SZT2: variants seen among roughly 807,000 people sequenced by gnomAD.
The protein encoded by SZT2 is SZT2 subunit of KICSTOR complex, also known as KICSTOR complex protein SZT2.
In SZT2, 216 loss-of-function variants were observed where a neutral mutation model predicts 404.2. The ratio of observed to expected loss-of-function variants is 0.53; its 90% CI spans 0.48 to 0.60. The LOEUF is 0.60. Ranked by LOEUF, SZT2 falls within the 20% of genes least tolerant of loss-of-function variation. SZT2 has a pLI of 0.00. For missense variants in SZT2, 3,857 were observed against 4,459.2 expected (o/e 0.86, Z 3.85); for synonymous variants, 1,693 against 1,749.9 (o/e 0.97, Z 0.81).
chr1:43,453,344 G>T lies in SZT2; in HGVS notation c.*2864G>T, dbSNP rs1037542115. 1 of 1,352,536 alleles carries T rather than the reference G, an allele frequency of 7.4e-7. No homozygotes were observed. 83.8% of individuals were successfully genotyped at this position (1,352,536 alleles called of 1,614,324 possible). A position where few individuals can be genotyped will look rare whatever the true frequency, so the allele number is the denominator to read the frequency against. On this transcript the variant is annotated 3_prime_UTR_variant, in exon 72 of 72. Transcript: ENST00000634258. ...CCTCGACTCCCTGAACCTGCATCAG[G>T]GTCATGGGTCACAGGGGTGGGGGTG...
rs769784174 is a variant in SZT2, at chr1:43,435,303, G to A, written c.6008G>A (p.Arg2003His). Residue 2003 changes from arginine to histidine, a missense_variant, in exon 42 of 72, where the codon CGT becomes CAT. Coordinates refer to ENST00000634258, the MANE Select transcript of SZT2 (RefSeq NM_001365999.1). ...CGCAGTGAGACTCCCTTCCACTCCC[G>A]TCAGCGGGCACCACTGCCCAGTGAT... ...LWRSETPFHS[R>H]QRAPLPSDDY... 1.9e-5 allele frequency: 31 copies of A among 1,614,098 alleles called. No individual in the cohort carries two copies. Among genetic ancestry groups the A allele is most frequent in the Admixed American group, 3.3e-5 (2 of 60,010 alleles).
intron 51 of SZT2, 110 bp from the exon 52 acceptor site, chr1:43,440,343 T>A: frequency 6.9e-7 from 1 of 1,450,478 alleles, no homozygotes; most frequent in Non-Finnish European, 9.2e-7. Context: ...TGTCATTCAC[T>A]GACAGGTAGA....
In SZT2 at chr1:43,453,759, C is replaced by A; in HGVS notation, c.*3279C>A. 7.5e-7 allele frequency: 1 copy of A among 1,326,570 alleles called. No individual in the cohort carries two copies. The highest frequency in any genetic ancestry group is 2.2e-5 in the South Asian group (1 of 45,660). The allele number at this position is 1,326,570 out of a possible 1,614,324, so 82.2% of individuals were successfully genotyped here. Reference sequence around the variant, plus strand: ...GAGGCCGGAGAGCTCGGGGAATAGCCAGGACAGATTGGCGGAGAAGCGCAG... The same window carrying A: ...GAGGCCGGAGAGCTCGGGGAATAGCAAGGACAGATTGGCGGAGAAGCGCAG... On this transcript the variant is annotated 3_prime_UTR_variant, in exon 72 of 72. Transcript: ENST00000634258.
At position 43,403,248 on chromosome 1, in the gene SZT2, T is replaced by G; in HGVS notation, c.99T>G (p.Ala33=). The G allele has an allele frequency of 2.5e-6, 4 of 1,614,128 alleles. No individual in the cohort carries two copies. The highest frequency in any genetic ancestry group is 2.5e-6 in the Non-Finnish European group (3 of 1,180,030). ...DYRISRNVRL[A]WFLSHLHQTV... ...GAATCTCCCGAAATGTTCGCCTGGC[T>G]TGGTTCCTCAGTCATCTGCACCAAA... is the stretch of plus-strand genomic sequence containing the variant. The change falls in exon 2 of 72, where the codon GCT becomes GCG. Residue 33 remains alanine, a synonymous_variant. Coordinates refer to ENST00000634258, the MANE Select transcript of SZT2 (RefSeq NM_001365999.1).
At position 43,424,646 on chromosome 1, in the gene SZT2, C is replaced by A. The variant is rs773357312; in HGVS notation, c.2472-138C>A. On this transcript the variant is annotated intron_variant, in intron 16 of 71. Transcript: ENST00000634258. This position sits in a 1 kb window ranked among gnomAD's most constrained non-coding sequence, Gnocchi z 4.1. ...CTGGATTTGTTATACCCTGAGGGAC[C>A]GCCAGTCTAAGCAGGGCCAGCAGCA... The A allele has an allele frequency of 6.9e-6, 6 of 874,510 alleles. No homozygotes were observed. The highest frequency in any genetic ancestry group is 1.6e-5 in the South Asian group (1 of 61,682). The allele number at this position is 874,510 out of a possible 1,614,324, so 54.2% of individuals were successfully genotyped here. A position where few individuals can be genotyped will look rare whatever the true frequency, so the allele number is the denominator to read the frequency against.
rs1376659589 is a variant in SZT2, at chr1:43,453,379, G to A, written c.*2899G>A. On this transcript the variant is annotated 3_prime_UTR_variant, in exon 72 of 72. Coordinates refer to ENST00000634258, the MANE Select transcript of SZT2 (RefSeq NM_001365999.1). ...CACAGGGGTGGGGGTGGGGTGGAGC[G>A]GGGTACCTGGGACAGCCCAGGGCTT... 2.0e-6 allele frequency: 3 copies of A among 1,535,780 alleles called. No homozygotes were observed. The South Asian group carries it at 3.6e-5, about 18-fold the overall frequency.
chr1:43,393,067 A>C (rs1045531953), intron 1 of SZT2, among the ~76,000 whole-genome samples: 22 of 152,240 alleles, frequency 1.4e-4, no homozygotes, highest in African/African-American at 4.6e-4. Flanking sequence ...TTCTCAACCT[A>C]CCTTGTTAAG....
chr1:43,420,275 G>A lies in SZT2; in HGVS notation c.1213G>A (p.Val405Ile), dbSNP rs758088517. The A allele has an allele frequency of 7.5e-5, 120 of 1,598,028 alleles. 1 individual carries two copies. The highest frequency in any genetic ancestry group is 1.6e-4 in the Middle Eastern group (1 of 6,082). Residue 405 changes from valine (V) to isoleucine (I), a missense_variant, in exon 9 of 72, where the codon GTA becomes ATA. By Grantham distance (29) the Val-to-Ile change is conservative. This residue lies in a region of SZT2 where 536 missense variants were observed against 637.4 expected (regional missense o/e 0.84). Transcript: ENST00000634258. The surrounding 1 kb of genome is among the most constrained non-coding windows in gnomAD (Gnocchi z 5.1). ...AGCCGACTTGGTCAGCACTGTGTCCGTACGGCTTCGAGAGGGCTACAGTGT... is the reference window on the plus strand; with the variant it reads ...AGCCGACTTGGTCAGCACTGTGTCCATACGGCTTCGAGAGGGCTACAGTGT... Reference protein sequence around the residue: ...VPADLVSTVSVRLREGYSVRE... With the variant: ...VPADLVSTVSIRLREGYSVRE...
chr1:43,446,034 C>A (rs761918946), intron 63 of SZT2, 50 bp downstream of exon 63: 1 of 1,598,996 alleles, frequency 6.3e-7, no homozygotes, highest in Non-Finnish European at 8.6e-7. Flanking sequence ...TACTTTCCCA[C>A]GGCCTGAGGT....
rs151305105 is a variant in SZT2, at chr1:43,452,313, G to A, written c.*1833G>A. The A allele has an allele frequency of 3.7e-5, 60 of 1,613,260 alleles. No individual in the cohort carries two copies. In the African/African-American group the frequency reaches 6.7e-4, roughly 18 times the overall value. On this transcript the variant is annotated 3_prime_UTR_variant, in exon 72 of 72. Coordinates refer to ENST00000634258, the MANE Select transcript of SZT2 (RefSeq NM_001365999.1). Reference sequence around the variant, plus strand: ...CCTGGGGTACTCGGCCAGCCATCAGGTGGATCCTGTGGGGAAGATGGACTG... The same window carrying A: ...CCTGGGGTACTCGGCCAGCCATCAGATGGATCCTGTGGGGAAGATGGACTG...
At chr1:43,407,022 T>C (rs1339180364) in intron 4 of SZT2, 4 of 152,214 alleles carry the variant, frequency 2.6e-5, no homozygotes, top group Admixed American at 2.0e-4. Context: ...ATTTTGTGGC[T>C]AATATGGAGG....
rs1656610215 is a variant in SZT2, at chr1:43,453,028, T to C, written c.*2548T>C. On this transcript the variant is annotated 3_prime_UTR_variant, in exon 72 of 72. Transcript: ENST00000634258. Reference sequence around the variant, plus strand: ...TCCTTGAAGACAGTCCAAGCATCACTACCTGTAAGCAGCTTTCTCTGATCC... The same window carrying C: ...TCCTTGAAGACAGTCCAAGCATCACCACCTGTAAGCAGCTTTCTCTGATCC... 2 of 1,399,348 alleles carry C rather than the reference T, an allele frequency of 1.4e-6. No individual in the cohort carries two copies. Among genetic ancestry groups the C allele is most frequent in the Admixed American group, 1.8e-5 (1 of 56,394 alleles). The allele number at this position is 1,399,348 out of a possible 1,614,324, so 86.7% of individuals were successfully genotyped here.
In SZT2 at chr1:43,428,101, A is replaced by G; in HGVS notation, c.3902A>G (p.Gln1301Arg). ...NHCALLQEHA[Q>R]RCYVRGLFRS... The stretch of plus-strand genomic sequence containing the variant: ...TGTGCCCTGCTGCAGGAGCATGCAC[A>G]GCGGTGCTATGTCCGTGGTGAGCAG... The change falls in exon 27 of 72, where the codon CAG (glutamine) becomes CGG (arginine). Residue 1301 changes from glutamine to arginine, a missense_variant. Transcript: ENST00000634258. 6.2e-7 allele frequency: 1 copy of G among 1,614,028 alleles called. No homozygotes were observed. Among genetic ancestry groups the G allele is most frequent in the Non-Finnish European group, 8.5e-7 (1 of 1,179,902 alleles).
rs1656421612 is a variant in SZT2, at chr1:43,451,548, G to A, written c.*1068G>A. ...ACCTGTGCCACCTGCACATGCCCTG[G>A]GGACAGATGTGGACAAATGTGGGGT... is the stretch of plus-strand genomic sequence containing the variant. On this transcript the variant is annotated 3_prime_UTR_variant, in exon 72 of 72. Coordinates refer to ENST00000634258, the MANE Select transcript of SZT2 (RefSeq NM_001365999.1). 1 of 1,613,848 alleles carries A rather than the reference G, an allele frequency of 6.2e-7. No homozygotes were observed. Among genetic ancestry groups the A allele is most frequent in the Admixed American group, 1.7e-5 (1 of 60,014 alleles).
At position 43,430,677 on chromosome 1, in the gene SZT2, G is replaced by T; in HGVS notation, c.4662G>T (p.Gly1554=). The T allele has an allele frequency of 6.2e-7, 1 of 1,614,024 alleles. No individual in the cohort carries two copies. The highest frequency in any genetic ancestry group is 1.3e-5 in the African/African-American group (1 of 75,018). ...FSILGGDSPT[G]PESFLHDLPP... ...TCTTGGGGGGCGACTCACCCACTGG[G>T]CCTGAGAGCTTCCTTCATGACCTGC... is the stretch of plus-strand genomic sequence containing the variant. Residue 1554 remains glycine (G), a synonymous_variant, in exon 32 of 72, where the codon GGG becomes GGT. Coordinates refer to ENST00000634258, the MANE Select transcript of SZT2 (RefSeq NM_001365999.1).
chr1:43,426,083 A>G lies in SZT2; in HGVS notation c.2975A>G (p.His992Arg). Residue 992 changes from histidine (H) to arginine (R), a missense_variant, in exon 21 of 72, where the codon CAT (histidine) becomes CGT (arginine). His to Arg is a conservative substitution (Grantham distance 29). This residue lies in a region of SZT2 where 1,725 missense variants were observed against 1,881.0 expected (regional missense o/e 0.92). Coordinates refer to ENST00000634258, the MANE Select transcript of SZT2 (RefSeq NM_001365999.1). The surrounding 1 kb of genome is among the most constrained non-coding windows in gnomAD (Gnocchi z 4.9). ...GDTCVHEIPF[H>R]FDLMGLLPQC... The stretch of plus-strand genomic sequence containing the variant: ...ACCTGCGTCCATGAGATCCCTTTCC[A>G]TTTTGACCTAATGGGATTGCTGCCA... The G allele has an allele frequency of 6.2e-7, 1 of 1,614,058 alleles. No individual in the cohort carries two copies. Among genetic ancestry groups the G allele is most frequent in the Non-Finnish European group, 8.5e-7 (1 of 1,180,004 alleles).
chr1:43,430,449 G>T, intron 31 of SZT2, 47 bp from the exon 32 acceptor site: 3 of 1,605,366 alleles, frequency 1.9e-6, no homozygotes, highest in Non-Finnish European at 2.6e-6. Context: ...AGATTCAAGG[G>T]TTCCACTGCC....
chr1:43,438,906 G>A (rs1455624147), intron 47 of SZT2, 23 bp from the exon 48 acceptor site: 3 of 1,613,958 alleles, frequency 1.9e-6, no homozygotes, highest in Non-Finnish European at 2.5e-6. Context: ...ATTCAGCTCT[G>A]CCCTCTTCTT....
At position 43,432,773 on chromosome 1, in the gene SZT2, A is replaced by G. The variant is rs779014485; in HGVS notation, c.5576A>G (p.Gln1859Arg). 1 of 1,613,838 alleles carries G rather than the reference A, an allele frequency of 6.2e-7. No homozygotes were observed. Among genetic ancestry groups the G allele is most frequent in the Admixed American group, 1.7e-5 (1 of 59,956 alleles). ...PSRGLSLMSS[Q>R]GSVDSDHLGY... ...CGGGGATTAAGTCTCATGTCCAGTCAGGGCAGTGTGGACTCAGACCACCTA... is the reference window on the plus strand; with the variant it reads ...CGGGGATTAAGTCTCATGTCCAGTCGGGGCAGTGTGGACTCAGACCACCTA... Residue 1859 changes from glutamine (Q) to arginine (R), a missense_variant, in exon 39 of 72, where the codon CAG (glutamine) becomes CGG (arginine). Gln to Arg is a conservative substitution (Grantham distance 43). Transcript: ENST00000634258.
Sources: gnomAD v4.1 joint callset for allele counts (sites outside exome capture counted in the v4.1 genomes callset) on GRCh38, gnomAD v4.1.1 for gene constraint, gnomAD v4.1.1 regional missense constraint, Gnocchi (gnomAD v3.1) non-coding constraint, MANE v1.5 for transcripts, NCBI Gene and HGNC (gene_info 2026-07-23, HGNC 2026-07-21) for gene names.